Variants in GALK2 observed in about 807,000 individuals in gnomAD.
GALK2 encodes the protein galactokinase 2.
GALK2 carries 36 observed loss-of-function variants against 52.4 expected under a neutral mutation model. That is an observed-to-expected ratio of 0.69 (90% CI 0.53 to 0.91). GALK2 has a LOEUF of 0.91. Ranked by LOEUF, GALK2 falls within the 40% of genes least tolerant of loss-of-function variation. GALK2 has a pLI of 0.00. For missense variants in GALK2, 579 were observed against 559.1 expected, an observed-to-expected ratio of 1.04 and a Z score of -0.36; for synonymous variants, 176 against 199.1, an observed-to-expected ratio of 0.88 and a Z score of 0.98.
intron 2 of GALK2, among the ~76,000 whole-genome samples, 166 bp downstream of exon 2, chr15:49,201,416 T>G (rs2087765849): frequency 6.6e-6 from 1 of 152,226 alleles, no homozygotes; most frequent in Non-Finnish European, 1.5e-5. Context: ...ACTTTTATCT[T>G]TCCCAATCCA....
At chr15:49,195,688 C>T (rs923481235) in intron 1 of GALK2, among the ~76,000 whole-genome samples, 3 of 151,976 alleles carry the variant, frequency 2.0e-5, no homozygotes, top group Non-Finnish European at 4.4e-5. Context: ...TGGCAGGTTG[C>T]CTAAGCTGGT....
At position 49,331,722 on chromosome 15, in the gene GALK2, G is replaced by T; in HGVS notation, c.*3563G>T. Reference sequence around the variant, plus strand: ...TACATTGCTTATGAAATATTGTCCAGTCTATATAAAAGAAGCTAGAGAGAG... The same window carrying T: ...TACATTGCTTATGAAATATTGTCCATTCTATATAAAAGAAGCTAGAGAGAG... On this transcript the variant is annotated 3_prime_UTR_variant, in exon 10 of 10. Transcript: ENST00000560031. The T allele has an allele frequency of 4.8e-6, 5 of 1,051,656 alleles. No homozygotes were observed. The highest frequency in any genetic ancestry group is 1.7e-5 in the Admixed American group (1 of 58,194). The allele number at this position is 1,051,656 out of a possible 1,614,324, so 65.1% of individuals were successfully genotyped here. A position where few individuals can be genotyped will look rare whatever the true frequency, so the allele number is the denominator to read the frequency against.
In GALK2 at chr15:49,295,344, T is replaced by G. The variant is rs147325496; in HGVS notation, c.967+2807T>G. Among the ~76,000 whole-genome samples, 1,357 of 151,638 alleles carry G rather than the reference T, an allele frequency of 8.9e-3. 20 individuals are homozygous for G. Among genetic ancestry groups the G allele is most frequent in the South Asian group, 0.062 (297 of 4,766 alleles). ...CTCTCTCTCTCTATCTATATATATATATAGATAGATAGATAGATTCATCTA... is the reference window on the plus strand; with the variant it reads ...CTCTCTCTCTCTATCTATATATATAGATAGATAGATAGATAGATTCATCTA... On this transcript the variant is annotated intron_variant, in intron 8 of 9. Coordinates refer to ENST00000560031, the MANE Select transcript of GALK2 (RefSeq NM_002044.4).
At chr15:49,185,449 A>G (rs2086274904) in intron 1 of GALK2, among the ~76,000 whole-genome samples, 2 of 152,094 alleles carry the variant, frequency 1.3e-5, no homozygotes, top group South Asian at 4.1e-4. Flanking sequence ...ATATGAGTAC[A>G]TTTGTCTTTT....
intron 2 of GALK2, among the ~76,000 whole-genome samples, chr15:49,210,973 T>TCTCACACACA (rs368483548): frequency 1.4e-5 from 2 of 146,652 alleles, no homozygotes; most frequent in South Asian, 2.2e-4. Context: ...ACACACACAC[T>TCTCACACACA]CACACACACA....
chr15:49,268,501 A>G (rs1471221039), intron 5 of GALK2, among the ~76,000 whole-genome samples: 1 of 152,238 alleles, frequency 6.6e-6, no homozygotes, highest in African/African-American at 2.4e-5. Flanking sequence ...AGATGTGGAT[A>G]GAAAGAATCA....
chr15:49,170,802 A>T (rs2141170554), intron 1 of GALK2, among the ~76,000 whole-genome samples: 1 of 152,302 alleles, frequency 6.6e-6, no homozygotes, highest in Non-Finnish European at 1.5e-5. Context: ...TTTAAAACAA[A>T]ACAAAACAAA....
At chr15:49,287,142 C>T (rs760933703) in intron 7 of GALK2, among the ~76,000 whole-genome samples, 2 of 152,296 alleles carry the variant, frequency 1.3e-5, no homozygotes, top group African/African-American at 2.4e-5. Context: ...CACTGCAGAA[C>T]CTCCTGTTCT....
At chr15:49,264,739 A>T (rs1237962561) in intron 5 of GALK2, among the ~76,000 whole-genome samples, 1 of 152,138 alleles carries the variant, frequency 6.6e-6, no homozygotes, top group African/African-American at 2.4e-5. Context: ...GGTGATGTAC[A>T]GATGGGTTTT....
chr15:49,177,724 A>G (rs2085577036), intron 1 of GALK2: 1 of 776,490 alleles, frequency 1.3e-6, no homozygotes, highest in South Asian at 2.0e-5. Context: ...TGCAGATGTC[A>G]GCCCATGCAT....
chr15:49,355,460 C>T (rs1037899038), intron 3 of GALK2, among the ~76,000 whole-genome samples: 32 of 151,972 alleles, frequency 2.1e-4, no homozygotes, highest in Non-Finnish European at 4.1e-4. Flanking sequence ...CCTCAGGAGC[C>T]GATGCGATCA....
intron 3 of GALK2, among the ~76,000 whole-genome samples, chr15:49,224,909 A>G (rs1306287525): frequency 6.6e-5 from 10 of 152,352 alleles, no homozygotes; most frequent in Non-Finnish European, 1.5e-4. Context: ...AAGGCTCTGT[A>G]CAGGATCTTT....
intron 8 of GALK2, among the ~76,000 whole-genome samples, chr15:49,309,234 A>G (rs188449298): frequency 1.3e-5 from 2 of 152,310 alleles, no homozygotes; most frequent in Admixed American, 1.3e-4. Flanking sequence ...TTCACGTTCT[A>G]ATAGAGAATG....
chr15:49,253,884 T>C (rs1287434936), intron 5 of GALK2, among the ~76,000 whole-genome samples: 1 of 144,084 alleles, frequency 6.9e-6, no homozygotes, highest in Non-Finnish European at 1.6e-5. Flanking sequence ...CACAAAACTG[T>C]TGAGGGGCAC....
intron 5 of GALK2, among the ~76,000 whole-genome samples, chr15:49,258,831 A>ATGTGT (rs2091943796): frequency 7.1e-6 from 1 of 140,146 alleles, no homozygotes; most frequent in African/African-American, 2.8e-5. Flanking sequence ...TGTGTGTGTG[A>ATGTGT]GAGAGAGAGA....
intron 5 of GALK2, among the ~76,000 whole-genome samples, chr15:49,277,840 T>C (rs1468845995): frequency 6.6e-6 from 1 of 152,124 alleles, no homozygotes; most frequent in Non-Finnish European, 1.5e-5. Flanking sequence ...CTGCTTATGG[T>C]ACTGGGGTGA....
At chr15:49,168,066 T>C (rs1452547041), upstream of GALK2, among the ~76,000 whole-genome samples, 4 of 152,152 alleles carry the variant, frequency 2.6e-5, no homozygotes, top group Non-Finnish European at 5.9e-5. Context: ...GAGACCTAGG[T>C]TTTAGTTCTA....
At chr15:49,273,017 C>T (rs1364961407) in intron 5 of GALK2, among the ~76,000 whole-genome samples, 3 of 152,150 alleles carry the variant, frequency 2.0e-5, no homozygotes, top group East Asian at 1.9e-4. Context: ...GCCCCATGTC[C>T]CAACTACTAG....
rs1206898952 is a variant in GALK2, at chr15:49,322,850, G to A, written c.1169+3045G>A. ...CATGCGCCTGTAGTCCCAGCTACTC[G>A]GGAGGCTGAGGCGGGAGAATGGCGT... On this transcript the variant is annotated intron_variant, in intron 9 of 9. Transcript: ENST00000560031. Among the ~76,000 whole-genome samples, 6 of 151,776 alleles carry A rather than the reference G, an allele frequency of 4.0e-5. No homozygotes were observed. The South Asian group carries it at 6.3e-4, about 16-fold the overall frequency.
Sources: allele counts gnomAD v4.1 joint callset (sites outside exome capture counted in the v4.1 genomes callset), GRCh38; gene constraint gnomAD v4.1.1; transcripts MANE v1.5; gene names NCBI Gene and HGNC (gene_info 2026-07-23, HGNC 2026-07-21).